RABGAP1L: variants seen among roughly 807,000 people sequenced by gnomAD.
The protein encoded by RABGAP1L is rab GTPase-activating protein 1-like.
RABGAP1L carries 63 observed loss-of-function variants against 137.7 expected under a neutral mutation model. The ratio of observed to expected loss-of-function variants is 0.46; its 90% CI spans 0.37 to 0.56. The LOEUF is 0.56. Among genes scored for constraint, RABGAP1L ranks in the 20% least tolerant of loss-of-function variants. RABGAP1L has a pLI of 0.00. For synonymous variants in RABGAP1L, 431 were observed against 433.7 expected (o/e 0.99, Z 0.08); for missense variants, 1,095 against 1,244.0 (o/e 0.88, Z 1.80).
At chr1:174,601,166 G>T (rs1392317061) in intron 13 of RABGAP1L, among the ~76,000 whole-genome samples, 1 of 152,206 alleles carries the variant, frequency 6.6e-6, no homozygotes, top group Non-Finnish European at 1.5e-5. Flanking sequence ...TGGAGTGGCT[G>T]GGACACAGGG....
At chr1:174,918,590 C>G (rs1451587199) in intron 19 of RABGAP1L, among the ~76,000 whole-genome samples, 1 of 152,114 alleles carries the variant, frequency 6.6e-6, no homozygotes, top group Non-Finnish European at 1.5e-5. Flanking sequence ...AGAGATCAGC[C>G]TGGGCAACAT....
chr1:174,854,878 C>T (rs1435541024), intron 19 of RABGAP1L, among the ~76,000 whole-genome samples: 2 of 151,458 alleles, frequency 1.3e-5, no homozygotes, highest in Non-Finnish European at 2.9e-5. Context: ...GCTGGGATTA[C>T]AGGCACGTAC....
intron 13 of RABGAP1L, among the ~76,000 whole-genome samples, chr1:174,502,280 G>A (rs1039421876): frequency 1.3e-5 from 2 of 151,412 alleles, no homozygotes; most frequent in African/African-American, 4.8e-5. Flanking sequence ...TGACAGATTC[G>A]TCTCTGGAGA....
intron 20 of RABGAP1L, among the ~76,000 whole-genome samples, chr1:174,961,043 T>C (rs1422597298): frequency 6.6e-6 from 1 of 152,216 alleles, no homozygotes; most frequent in Non-Finnish European, 1.5e-5. Context: ...TTTTTCTTCA[T>C]GACTAGATTC....
chr1:174,786,916 C>T (rs1352924684), intron 18 of RABGAP1L, among the ~76,000 whole-genome samples: 2 of 152,168 alleles, frequency 1.3e-5, no homozygotes. Flanking sequence ...TCTCTGACCA[C>T]AGTGACTAAA....
At chr1:174,333,712 A>G (rs1681235709) in intron 11 of RABGAP1L, among the ~76,000 whole-genome samples, 1 of 152,178 alleles carries the variant, frequency 6.6e-6, no homozygotes, top group African/African-American at 2.4e-5. Context: ...CTGACTTACT[A>G]TCATGGTAGT....
intron 11 of RABGAP1L, among the ~76,000 whole-genome samples, chr1:174,308,485 G>T: frequency 6.6e-6 from 1 of 151,854 alleles, no homozygotes; most frequent in East Asian, 1.9e-4. Flanking sequence ...GCTCCCCTTT[G>T]TTTTCTTCTA....
chr1:174,615,209 T>G (rs1485206816), intron 13 of RABGAP1L, among the ~76,000 whole-genome samples: 3 of 152,236 alleles, frequency 2.0e-5, no homozygotes, highest in Admixed American at 2.0e-4. Flanking sequence ...CTTTGTGGTT[T>G]TATCTACTTT....
chr1:174,640,033 G>A (rs1037482760), intron 14 of RABGAP1L, among the ~76,000 whole-genome samples: 2 of 152,096 alleles, frequency 1.3e-5, no homozygotes, highest in Admixed American at 6.6e-5. Context: ...TTGTGAAGAT[G>A]TAGAAAACAA....
intron 19 of RABGAP1L, among the ~76,000 whole-genome samples, chr1:174,873,448 C>A (rs773293523): frequency 5.9e-5 from 9 of 151,478 alleles, no homozygotes; most frequent in Non-Finnish European, 1.2e-4. Flanking sequence ...TGAGAATATT[C>A]AACAAGTAGA....
chr1:174,608,638 A>G (rs1670961559), intron 13 of RABGAP1L, among the ~76,000 whole-genome samples: 1 of 152,136 alleles, frequency 6.6e-6, no homozygotes. Flanking sequence ...GAAAAGCACA[A>G]CTTTGCAGAA....
chr1:174,566,131 T>A (rs1667567259), intron 13 of RABGAP1L, among the ~76,000 whole-genome samples: 1 of 152,144 alleles, frequency 6.6e-6, no homozygotes, highest in Non-Finnish European at 1.5e-5. Flanking sequence ...TTCTGTGGTG[T>A]CAAGCTTTTG....
At chr1:174,386,389 A>G (rs1413172446) in intron 12 of RABGAP1L, among the ~76,000 whole-genome samples, 8 of 152,236 alleles carry the variant, frequency 5.3e-5, no homozygotes, top group East Asian at 3.8e-4. Flanking sequence ...CTCACAGCCA[A>G]TAAGTAATTT....
At chr1:174,334,725 T>C (rs1472716595) in intron 11 of RABGAP1L, among the ~76,000 whole-genome samples, 1 of 152,176 alleles carries the variant, frequency 6.6e-6, no homozygotes. Flanking sequence ...TTTCTGTGAA[T>C]GCTATCTTCT....
intron 17 of RABGAP1L, among the ~76,000 whole-genome samples, chr1:174,727,090 C>A (rs780067729): frequency 6.6e-6 from 1 of 152,088 alleles, no homozygotes; most frequent in Non-Finnish European, 1.5e-5. Flanking sequence ...CCCTTAGCAC[C>A]TCTGTTTCCT....
intron 17 of RABGAP1L, among the ~76,000 whole-genome samples, chr1:174,723,939 A>G (rs904101223): frequency 6.6e-6 from 1 of 152,214 alleles, no homozygotes; most frequent in Non-Finnish European, 1.5e-5. Flanking sequence ...TAATTCTGAG[A>G]GAGTCAAAAT....
Position 174,469,911 on chromosome 1 carries a change from C to T in RABGAP1L, c.1710+75766C>T, listed in dbSNP as rs181742465. Among the ~76,000 whole-genome samples the T allele has an allele frequency of 2.2e-4, 34 of 151,660 alleles. 1 individual carries two copies. Among genetic ancestry groups the T allele is most frequent in the Non-Finnish European group, 4.0e-4 (27 of 67,918 alleles). Reference sequence around the variant, plus strand: ...AAAAATGCTTTACCCTTTAAAGCCTCGTGGGGAACTAGGCACTGTAGAGCT... The same window carrying T: ...AAAAATGCTTTACCCTTTAAAGCCTTGTGGGGAACTAGGCACTGTAGAGCT... On this transcript the variant is annotated intron_variant, in intron 13 of 25. Coordinates refer to ENST00000681986, the MANE Select transcript of RABGAP1L (RefSeq NM_001366446.1).
rs900071949 is a variant in RABGAP1L, at chr1:174,378,161, A to C, written c.1559+7089A>C. On this transcript the variant is annotated intron_variant, in intron 12 of 25. Transcript: ENST00000681986. ...TAGTATTCCATGGTGTATATGTGCC[A>C]CATTTTCTTAATCCAGTCTATCATT... 8.8e-5 allele frequency among the ~76,000 whole-genome samples: 13 copies of C among 147,356 alleles called. No homozygotes were observed. In the East Asian group the frequency reaches 1.8e-3, roughly 20 times the overall value.
At chr1:174,261,892 T>C (rs1023129932) in intron 7 of RABGAP1L, among the ~76,000 whole-genome samples, 1 of 152,326 alleles carries the variant, frequency 6.6e-6, no homozygotes, top group Non-Finnish European at 1.5e-5. Context: ...TTAGATGTTA[T>C]AATAATTTCT....
Sources: allele counts gnomAD v4.1 joint callset (sites outside exome capture counted in the v4.1 genomes callset), GRCh38; gene constraint gnomAD v4.1.1; transcripts MANE v1.5; gene names NCBI Gene and HGNC (gene_info 2026-07-23, HGNC 2026-07-21).